The following HIF1A variants were observed in gnomAD, a reference collection of about 807,000 sequenced individuals.
The protein encoded by HIF1A is hypoxia-inducible factor 1-alpha.
Under a neutral mutation model 92.7 loss-of-function variants are expected in HIF1A, and 24 were observed. The observed-to-expected ratio is 0.26, with a 90% CI of 0.19 to 0.36. The LOEUF (loss-of-function observed/expected upper bound fraction) is 0.36, where lower values mean the gene tolerates loss of function less well. Among genes scored for constraint, HIF1A ranks in the 10% least tolerant of loss-of-function variants. HIF1A has a pLI of 1.00. For synonymous variants in HIF1A, 319 were observed against 338.7 expected (o/e 0.94, Z 0.64); for missense variants, 799 against 998.5 (o/e 0.80, Z 2.69).
chr14:61,740,652 T>C, intron 11 of HIF1A, 25 bp downstream of exon 11: 1 of 1,559,770 alleles, frequency 6.4e-7, no homozygotes, highest in Non-Finnish European at 8.7e-7. Context: ...TTGTTTTATA[T>C]TAAATTTCAT....
intron 1 of HIF1A, among the ~76,000 whole-genome samples, chr14:61,698,508 CTG>C (rs1324441757): frequency 6.6e-6 from 1 of 152,204 alleles, no homozygotes; most frequent in Non-Finnish European, 1.5e-5. Context: ...CTTGATGACA[CTG>C]TGTACTTGAA....
intron 13 of HIF1A, 38 bp downstream of exon 13, chr14:61,744,851 G>A (rs1447534735): frequency 1.2e-6 from 1 of 851,640 alleles, no homozygotes; most frequent in South Asian, 1.4e-5. Context: ...TCTAGCTAAT[G>A]TGCTATTTCG....
rs754879947 is a variant in HIF1A, at chr14:61,746,392, C to CTTTTTT, written c.2330-525_2330-520dup. On this transcript the variant is annotated intron_variant, in intron 14 of 14. Coordinates refer to ENST00000337138, the MANE Select transcript of HIF1A (RefSeq NM_001530.4). ...TGAAATTTGTGAACTTTTATGACTTCTTTTTTTTTTTTTTTTTTTTTTGAG... is the reference window on the plus strand; with the variant it reads ...TGAAATTTGTGAACTTTTATGACTTCTTTTTTTTTTTTTTTTTTTTTTTTTTTTGAG... Among the ~76,000 whole-genome samples, 45 of 49,474 alleles carry CTTTTTT rather than the reference C, an allele frequency of 9.1e-4. 1 individual carries two copies. The highest frequency in any genetic ancestry group is 1.6e-3 in the African/African-American group (32 of 20,112). The allele number at this position is 49,474 out of a possible 152,430, so 32.5% of individuals were successfully genotyped here.
Position 61,721,816 on chromosome 14 carries a change from C to A in HIF1A, c.450C>A (p.His150Gln), listed in dbSNP as rs2044433789. 3 of 1,607,376 alleles carry A rather than the reference C, an allele frequency of 1.9e-6. No homozygotes were observed. Among genetic ancestry groups the A allele is most frequent in the Admixed American group, 1.7e-5 (1 of 59,962 alleles). ...AGGAAATGAGAGAAATGCTTACACA[C>A]AGAAATGGTAAGAAAAGTCTGTTGT... ...DHEEMREMLTHRNGLVKKGKE... is the reference protein window; with the variant it reads ...DHEEMREMLTQRNGLVKKGKE... Residue 150 changes from histidine (H) to glutamine (Q), a missense_variant, in exon 4 of 15, where the codon CAC becomes CAA. By Grantham distance (24) the His-to-Gln change is conservative. Coordinates refer to ENST00000337138, the MANE Select transcript of HIF1A (RefSeq NM_001530.4).
chr14:61,707,965 C>T (rs891159896), intron 1 of HIF1A, among the ~76,000 whole-genome samples: 6 of 151,916 alleles, frequency 3.9e-5, no homozygotes, highest in African/African-American at 7.2e-5. Flanking sequence ...CTCTCCAGCA[C>T]CTGTTGTTTC....
intron 1 of HIF1A, among the ~76,000 whole-genome samples, chr14:61,714,895 G>C (rs927045849): frequency 6.6e-6 from 1 of 152,090 alleles, no homozygotes; most frequent in Non-Finnish European, 1.5e-5. Flanking sequence ...TTAGCTGGGC[G>C]TGGTGGCACA....
At chr14:61,721,714 C>T (rs2044429635) in intron 3 of HIF1A, 25 bp from the exon 4 acceptor site, 1 of 1,611,164 alleles carries the variant, frequency 6.2e-7, no homozygotes, top group Non-Finnish European at 8.5e-7. Context: ...TGATCTAGCC[C>T]TAATTTTTAA....
At chr14:61,730,827 T>C (rs1408397074) in intron 6 of HIF1A, among the ~76,000 whole-genome samples, 2 of 152,214 alleles carry the variant, frequency 1.3e-5, no homozygotes, top group Non-Finnish European at 2.9e-5. Flanking sequence ...AGTGAAAAAG[T>C]TTTTAATTCC....
chr14:61,741,827 C>T (rs1055086248), intron 12 of HIF1A, among the ~76,000 whole-genome samples: 1 of 152,048 alleles, frequency 6.6e-6, no homozygotes, highest in African/African-American at 2.4e-5. Context: ...AGTTAACTAC[C>T]CTCACTACTT....
chr14:61,729,718 A>C (rs2044551979), intron 6 of HIF1A, among the ~76,000 whole-genome samples: 2 of 152,118 alleles, frequency 1.3e-5, no homozygotes, highest in African/African-American at 2.4e-5. Context: ...AGTAGAGAGG[A>C]GGCCAGGGAG....
chr14:61,700,060 A>G (rs750103493), intron 1 of HIF1A, among the ~76,000 whole-genome samples: 17 of 152,142 alleles, frequency 1.1e-4, no homozygotes, highest in Non-Finnish European at 2.4e-4. Context: ...TAAAACCTGA[A>G]TTTTTAAAAC....
At chr14:61,727,031 T>C (rs1315058029) in intron 5 of HIF1A, among the ~76,000 whole-genome samples, 6 of 152,362 alleles carry the variant, frequency 3.9e-5, no homozygotes, top group South Asian at 4.1e-4. Context: ...ATTACGTGAA[T>C]TGTGGCACTG....
At chr14:61,729,504 T>C (rs1413667643) in intron 6 of HIF1A, among the ~76,000 whole-genome samples, 2 of 151,604 alleles carry the variant, frequency 1.3e-5, no homozygotes, top group African/African-American at 4.8e-5. Context: ...AGAAGGATGT[T>C]GTCAGGATTA....
chr14:61,741,364 C>CTTT (rs34138408), intron 12 of HIF1A, among the ~76,000 whole-genome samples, 176 bp downstream of exon 12: 38 of 137,040 alleles, frequency 2.8e-4, no homozygotes, highest in Non-Finnish European at 5.4e-4. Context: ...CTTTTTCTTT[C>CTTT]TTTTTTTTTT....
At chr14:61,743,157 C>T (rs181649825) in intron 12 of HIF1A, among the ~76,000 whole-genome samples, 49 of 152,142 alleles carry the variant, frequency 3.2e-4, no homozygotes, top group Admixed American at 7.2e-4. Flanking sequence ...CCGCAACTGC[C>T]GCCTCGCTGG....
intron 1 of HIF1A, among the ~76,000 whole-genome samples, chr14:61,701,567 G>A (rs183301510): frequency 4.6e-5 from 7 of 152,108 alleles, no homozygotes; most frequent in Admixed American, 3.3e-4. Flanking sequence ...GTTGGGATAC[G>A]TTTCTGTTCT....
chr14:61,700,042 C>G (rs2044161493), intron 1 of HIF1A, among the ~76,000 whole-genome samples: 1 of 151,916 alleles, frequency 6.6e-6, no homozygotes, highest in African/African-American at 2.4e-5. Context: ...TTAGAGAAAT[C>G]TAGTATCTAA....
intron 1 of HIF1A, among the ~76,000 whole-genome samples, chr14:61,698,584 A>G (rs954119066): frequency 5.1e-4 from 78 of 152,272 alleles, no homozygotes; most frequent in African/African-American, 1.8e-3. Context: ...CTTTTTTGCT[A>G]GTCCTTCCAG....
At position 61,744,860 on chromosome 14, in the gene HIF1A, CGTGTGTGTGTGTGTGTGT is replaced by C. The variant is rs60361955; in HGVS notation, c.2202+64_2202+81del. 1,273 of 531,708 alleles carry C rather than the reference CGTGTGTGTGTGTGTGTGT, an allele frequency of 2.4e-3. 15 individuals are homozygous for C. Among genetic ancestry groups the C allele is most frequent in the African/African-American group, 0.021 (1,061 of 51,006 alleles). The allele number at this position is 531,708 out of a possible 1,614,324, so 32.9% of individuals were successfully genotyped here. On this transcript the variant is annotated intron_variant, in intron 13 of 14. Coordinates refer to ENST00000337138, the MANE Select transcript of HIF1A (RefSeq NM_001530.4). ...TGCTTTTCTAGCTAATGTGCTATTT[CGTGTGTGTGTGTGTGTGT>C]GTGTGTGTGTGTGTGTTTCCACGTT...
Sources: gnomAD v4.1 joint callset for allele counts (sites outside exome capture counted in the v4.1 genomes callset) on GRCh38, gnomAD v4.1.1 for gene constraint, MANE v1.5 for transcripts, NCBI Gene and HGNC (gene_info 2026-07-23, HGNC 2026-07-21) for gene names.